Variants in PTCHD4 observed in about 807,000 individuals in gnomAD.
The protein encoded by PTCHD4 is patched domain-containing protein 4.
A neutral mutation model predicts 58.1 loss-of-function variants in PTCHD4; 33 were observed. The ratio of observed to expected loss-of-function variants is 0.57; its 90% CI spans 0.43 to 0.76. PTCHD4 has a LOEUF of 0.76. Among genes scored for constraint, PTCHD4 ranks in the 30% least tolerant of loss-of-function variants. PTCHD4 has a pLI of 0.00. For synonymous variants in PTCHD4, 478 were observed against 409.6 expected (o/e 1.17, Z -2.02); for missense variants, 1,058 against 1,027.1 (o/e 1.03, Z -0.41).
chr6:47,992,374 G>A (rs1429607851), intron 4 of PTCHD4, among the ~76,000 whole-genome samples: 1 of 152,092 alleles, frequency 6.6e-6, no homozygotes, highest in Non-Finnish European at 1.5e-5. Context: ...GCTAAAAACT[G>A]ATTACCAGAA....
chr6:48,013,374 A>G, intron 3 of PTCHD4, among the ~76,000 whole-genome samples: 4 of 53,694 alleles, frequency 7.4e-5, no homozygotes, highest in Middle Eastern at 0.013. Context: ...ATTTCAGTTG[A>G]GTTTTTTTTT....
At chr6:47,960,350 T>C (rs1007294517) in intron 4 of PTCHD4, among the ~76,000 whole-genome samples, 9 of 152,122 alleles carry the variant, frequency 5.9e-5, no homozygotes, top group Non-Finnish European at 8.8e-5. Flanking sequence ...TAGACTTAAA[T>C]TGAACCATTA....
At chr6:47,889,099 A>G in intron 4 of PTCHD4, among the ~76,000 whole-genome samples, 1 of 41,316 alleles carries the variant, frequency 2.4e-5, no homozygotes, top group Non-Finnish European at 4.9e-5. Context: ...GCTATTGTGA[A>G]TAATGCCGCA....
intron 3 of PTCHD4, among the ~76,000 whole-genome samples, chr6:48,012,927 T>A (rs1452433653): frequency 6.6e-6 from 1 of 152,194 alleles, no homozygotes; most frequent in Non-Finnish European, 1.5e-5. Flanking sequence ...TGAAGCTGAC[T>A]TGATTGTGGT....
At chr6:47,985,752 CTT>C (rs11364222) in intron 4 of PTCHD4, among the ~76,000 whole-genome samples, 9 of 150,312 alleles carry the variant, frequency 6.0e-5, no homozygotes, top group African/African-American at 1.7e-4. Context: ...AAATGCATTC[CTT>C]TTTTTTTTCA....
At chr6:48,032,034 C>T (rs1763463009) in intron 3 of PTCHD4, among the ~76,000 whole-genome samples, 1 of 149,642 alleles carries the variant, frequency 6.7e-6, no homozygotes, top group African/African-American at 2.5e-5. Context: ...TAATGATGTA[C>T]CCTCTGTCCT....
In PTCHD4 at chr6:47,858,943, A is replaced by G. The variant is rs74997744; in HGVS notation, c.*19360T>C. 0.015 allele frequency among the ~76,000 whole-genome samples: 2,248 copies of G among 152,178 alleles called. 56 individuals are homozygous for G. The highest frequency in any genetic ancestry group is 0.048 in the African/African-American group (2,015 of 41,554). ...ACCAGTTAATGATCTTACAGAACCT[A>G]TGATTTAATTACAAGCATCTGTTTT... On this transcript the variant is annotated 3_prime_UTR_variant, in exon 5 of 5. Coordinates refer to ENST00000339488, the MANE Select transcript of PTCHD4 (RefSeq NM_001384253.1).
intron 1 of PTCHD4, among the ~76,000 whole-genome samples, chr6:48,108,195 C>G (rs1765782339): frequency 6.6e-6 from 1 of 152,130 alleles, no homozygotes; most frequent in African/African-American, 2.4e-5. Context: ...AGACTTGGAA[C>G]CAACCCAAAT....
intron 4 of PTCHD4, among the ~76,000 whole-genome samples, chr6:47,885,189 G>C (rs956102071): frequency 6.6e-6 from 1 of 152,124 alleles, no homozygotes; most frequent in Non-Finnish European, 1.5e-5. Flanking sequence ...AAAAGAGAGA[G>C]TTCTTAAGGG....
intron 1 of PTCHD4, among the ~76,000 whole-genome samples, chr6:48,109,508 T>G (rs1450212994): frequency 6.6e-6 from 1 of 152,076 alleles, no homozygotes; most frequent in African/African-American, 2.4e-5. Flanking sequence ...GAGTTTTTTG[T>G]ATATCACACC....
intron 4 of PTCHD4, among the ~76,000 whole-genome samples, chr6:47,934,560 T>C (rs1217965239): frequency 1.3e-5 from 2 of 152,232 alleles, no homozygotes; most frequent in African/African-American, 4.8e-5. Flanking sequence ...TGCAAAAGTA[T>C]ATAAGAAACA....
chr6:48,046,869 A>C (rs1313590564), intron 3 of PTCHD4, among the ~76,000 whole-genome samples: 3 of 151,920 alleles, frequency 2.0e-5, no homozygotes, highest in Admixed American at 2.0e-4. Context: ...AATCTGGGTT[A>C]TTAAGAAGCT....
intron 3 of PTCHD4, among the ~76,000 whole-genome samples, chr6:48,038,936 T>C (rs1188387688): frequency 6.6e-6 from 1 of 152,190 alleles, no homozygotes; most frequent in Non-Finnish European, 1.5e-5. Context: ...GATTCTTACT[T>C]ATTCTGTAGG....
At position 47,864,378 on chromosome 6, in the gene PTCHD4, T is replaced by A. The variant is rs1291834117; in HGVS notation, c.*13925A>T. The stretch of plus-strand genomic sequence containing the variant: ...CTACTAGTTTGCTTTGCTAAAATCC[T>A]TGATGGGTAGTGGCTGCCTCTCATT... On this transcript the variant is annotated 3_prime_UTR_variant, in exon 5 of 5. Coordinates refer to ENST00000339488, the MANE Select transcript of PTCHD4 (RefSeq NM_001384253.1). 6.6e-6 allele frequency among the ~76,000 whole-genome samples: 1 copy of A among 151,962 alleles called. No individual in the cohort carries two copies. Among genetic ancestry groups the A allele is most frequent in the Non-Finnish European group, 1.5e-5 (1 of 67,920 alleles).
In PTCHD4 at chr6:48,008,880, T is replaced by C. The variant is rs201108737; in HGVS notation, c.652A>G (p.Ser218Gly). The C allele has an allele frequency of 1.1e-5, 17 of 1,614,010 alleles. No homozygotes were observed. The highest frequency in any genetic ancestry group is 1.4e-5 in the Non-Finnish European group (16 of 1,179,904). The part of the protein sequence containing the change: ...ELQLYSLASF[S>G]LWRDFHKTSI... Reference sequence around the variant, plus strand: ...GTCTTATGAAAGTCCCTCCAGAGGCTAAAGGATGCTAAAGAGTAGAGCTGG... The same window carrying C: ...GTCTTATGAAAGTCCCTCCAGAGGCCAAAGGATGCTAAAGAGTAGAGCTGG... Residue 218 changes from serine (S) to glycine (G), a missense_variant, in exon 4 of 5, where the codon AGC (serine) becomes GGC (glycine). Transcript: ENST00000339488.
At chr6:48,094,445 A>T (rs1302426481) in intron 1 of PTCHD4, among the ~76,000 whole-genome samples, 1 of 152,218 alleles carries the variant, frequency 6.6e-6, no homozygotes, top group Non-Finnish European at 1.5e-5. Flanking sequence ...GATAAAATGA[A>T]GAAACATTGA....
chr6:47,907,915 A>T (rs1342103449), intron 4 of PTCHD4, among the ~76,000 whole-genome samples: 1 of 152,056 alleles, frequency 6.6e-6, no homozygotes, highest in South Asian at 2.1e-4. Context: ...CCCTCTATCA[A>T]TTAGTTAGAA....
intron 4 of PTCHD4, among the ~76,000 whole-genome samples, chr6:47,986,156 G>C (rs959297595): frequency 3.3e-5 from 5 of 152,102 alleles, no homozygotes; most frequent in African/African-American, 1.2e-4. Context: ...GTGCTTAGTA[G>C]AAGAACTTAG....
At chr6:47,981,023 G>A (rs770098960) in intron 4 of PTCHD4, among the ~76,000 whole-genome samples, 2 of 152,010 alleles carry the variant, frequency 1.3e-5, no homozygotes, top group African/African-American at 4.8e-5. Flanking sequence ...TCTTTTTCAG[G>A]AAAGGGTCAT....
Sources: gnomAD v4.1 joint callset for allele counts (sites outside exome capture counted in the v4.1 genomes callset) on GRCh38, gnomAD v4.1.1 for gene constraint, MANE v1.5 for transcripts, NCBI Gene and HGNC (gene_info 2026-07-23, HGNC 2026-07-21) for gene names.